Variants in DENND3 observed in about 807,000 individuals in gnomAD.
DENND3 encodes DENN domain containing 3.
DENND3 carries 88 observed loss-of-function variants against 135.1 expected under a neutral mutation model. The observed-to-expected ratio is 0.65, with a 90% CI of 0.55 to 0.78. The LOEUF is 0.78. DENND3 is among the 30% of genes least tolerant of loss of function. DENND3 has a pLI of 0.00. For synonymous variants in DENND3, 693 were observed against 712.3 expected (o/e 0.97, Z 0.43); for missense variants, 1,392 against 1,688.4 (o/e 0.82, Z 3.08).
chr8:141,188,144 T>C (rs1824169847), intron 18 of DENND3, among the ~76,000 whole-genome samples: 1 of 150,612 alleles, frequency 6.6e-6, no homozygotes, highest in Admixed American at 6.6e-5. Flanking sequence ...GAGAATCGCT[T>C]GAGCCGGGAG....
At chr8:141,162,422 C>G (rs1460932446) in intron 9 of DENND3, among the ~76,000 whole-genome samples, 1 of 151,816 alleles carries the variant, frequency 6.6e-6, no homozygotes, top group African/African-American at 2.4e-5. Context: ...TAGCAAGATC[C>G]CGGCTCTTTA....
At chr8:141,192,798 A>G in intron 22 of DENND3, 135 bp downstream of exon 22, 2 of 1,580,080 alleles carry the variant, frequency 1.3e-6, no homozygotes, top group Non-Finnish European at 1.7e-6. Context: ...CCCTCCTAAC[A>G]GGCACGTGCA....
intron 13 of DENND3, among the ~76,000 whole-genome samples, chr8:141,171,403 G>T (rs375139462): frequency 4.3e-4 from 65 of 152,320 alleles, no homozygotes; most frequent in African/African-American, 1.5e-3. Flanking sequence ...CCTTCCCCAG[G>T]GACGCTGACA....
In DENND3 at chr8:141,168,612, C is replaced by G; in HGVS notation, c.2275+87C>G. ...GCCCAGGCTGGAGTGGACTGGCAAT[C>G]ACAGCTCACTGCAACCTCCACCTCC... On this transcript the variant is annotated intron_variant, in intron 13 of 22. Transcript: ENST00000519811. This position sits in a 1 kb window ranked among gnomAD's most constrained non-coding sequence, Gnocchi z 6.2. The G allele has an allele frequency of 6.8e-7, 1 of 1,467,316 alleles. No homozygotes were observed. Among genetic ancestry groups the G allele is most frequent in the East Asian group, 2.4e-5 (1 of 41,356 alleles). The allele number at this position is 1,467,316 out of a possible 1,614,324, so 90.9% of individuals were successfully genotyped here.
Position 141,144,232 on chromosome 8 carries a change from C to T in DENND3, c.708C>T (p.Pro236=), listed in dbSNP as rs779591535. The T allele has an allele frequency of 1.9e-6, 3 of 1,613,750 alleles. No individual in the cohort carries two copies. Among genetic ancestry groups the T allele is most frequent in the Non-Finnish European group, 2.5e-6 (3 of 1,179,890 alleles). Residue 236 remains proline (P), a synonymous_variant, in exon 5 of 23, where the codon CCC becomes CCT. Transcript: ENST00000519811. This position sits in a 1 kb window ranked among gnomAD's most constrained non-coding sequence, Gnocchi z 4.4. The stretch of plus-strand genomic sequence containing the variant: ...TCGCTGCGAAGCTGTCTTTAATACC[C>T]AGCCCGCCACCTGGACCGCTCCATT... ...KDFAAKLSLI[P]SPPPGPLHLV...
intron 14 of DENND3, 71 bp from the exon 15 acceptor site, chr8:141,176,520 G>C: frequency 1.3e-6 from 2 of 1,580,942 alleles, no homozygotes; most frequent in South Asian, 2.2e-5. Flanking sequence ...AGCCCGCTCT[G>C]CCTCTGTCTC....
chr8:141,149,998 T>C (rs1267691054), intron 5 of DENND3, among the ~76,000 whole-genome samples: 4 of 152,234 alleles, frequency 2.6e-5, no homozygotes, highest in African/African-American at 9.6e-5. Context: ...CCTGCTTCGC[T>C]TGATTTCTTA....
rs997844988 is a variant in DENND3, at chr8:141,174,072, G to T, written c.2276-1128G>T. 1.3e-5 allele frequency among the ~76,000 whole-genome samples: 2 copies of T among 152,172 alleles called. No individual in the cohort carries two copies. Among genetic ancestry groups the T allele is most frequent in the African/African-American group, 4.8e-5 (2 of 41,422 alleles). On this transcript the variant is annotated intron_variant, in intron 13 of 22. Transcript: ENST00000519811. This position sits in a 1 kb window ranked among gnomAD's most constrained non-coding sequence, Gnocchi z 4.6. ...GGGCATGCCTACCTGGGTGTTGAGG[G>T]ATGGGTAGGAGTTTCCTGGTGTGAG...
intron 20 of DENND3, chr8:141,191,716 C>T (rs1026998976): frequency 1.3e-5 from 2 of 152,550 alleles, no homozygotes; most frequent in African/African-American, 4.8e-5. Flanking sequence ...TGTGCAGGCC[C>T]CTGCCCACTG....
At position 141,182,675 on chromosome 8, in the gene DENND3, C is replaced by T. The variant is rs115816657; in HGVS notation, c.2944+1821C>T. On this transcript the variant is annotated intron_variant, in intron 17 of 22. Transcript: ENST00000519811. This position sits in a 1 kb window ranked among gnomAD's most constrained non-coding sequence, Gnocchi z 5.9. ...GGCTGCCGATTCTGGAAGGGGTGGCCGAGAAGCTGGTAGCCGAGCAGGGCT... is the reference window on the plus strand; with the variant it reads ...GGCTGCCGATTCTGGAAGGGGTGGCTGAGAAGCTGGTAGCCGAGCAGGGCT... Among the ~76,000 whole-genome samples the T allele has an allele frequency of 0.011, 1,731 of 152,196 alleles. 32 individuals are homozygous for T. Among genetic ancestry groups the T allele is most frequent in the African/African-American group, 0.04 (1,652 of 41,512 alleles).
Position 141,128,885 on chromosome 8 carries a change from G to A in DENND3, c.102+76G>A. On this transcript the variant is annotated intron_variant, in intron 1 of 22. Transcript: ENST00000519811. The surrounding 1 kb of genome is among the most constrained non-coding windows in gnomAD (Gnocchi z 4.5). ...GACAGCAGTCGGAGAGCGGGCGCCC[G>A]GGTGCCCTGTGGGTTGGCGCGGACT... is the stretch of plus-strand genomic sequence containing the variant. 1.7e-6 allele frequency: 2 copies of A among 1,153,746 alleles called. No individual in the cohort carries two copies. Among genetic ancestry groups the A allele is most frequent in the East Asian group, 6.5e-5 (2 of 30,760 alleles). The allele number at this position is 1,153,746 out of a possible 1,614,324, so 71.5% of individuals were successfully genotyped here. A position where few individuals can be genotyped will look rare whatever the true frequency, so the allele number is the denominator to read the frequency against.
chr8:141,145,833 ATATATATATATATATATGTATTT>A (rs1386810119), intron 5 of DENND3, among the ~76,000 whole-genome samples: 24 of 32,076 alleles, frequency 7.5e-4, no homozygotes, highest in African/African-American at 5.8e-3. Context: ...ATATATATAT[ATATATATATATATATATGTATTT>A]TTTTTTTTTT....
rs1171021039 is a variant in DENND3 at position 141,146,348 on chromosome 8, A to T, written c.735+2089A>T. 1.3e-5 allele frequency among the ~76,000 whole-genome samples: 2 copies of T among 152,090 alleles called. No individual in the cohort carries two copies. Among genetic ancestry groups the T allele is most frequent in the Admixed American group, 6.5e-5 (1 of 15,268 alleles). Reference sequence around the variant, plus strand: ...GGTTTGGGGTTAAGTGAAGCTGGAGATGTGGCTGGCCACCTTCCCCTTTTG... The same window carrying T: ...GGTTTGGGGTTAAGTGAAGCTGGAGTTGTGGCTGGCCACCTTCCCCTTTTG... On this transcript the variant is annotated intron_variant, in intron 5 of 22. Transcript: ENST00000519811. The surrounding 1 kb of genome is among the most constrained non-coding windows in gnomAD (Gnocchi z 4.3).
chr8:141,167,905 T>G lies in DENND3; in HGVS notation c.1754-99T>G, dbSNP rs1046140068. 6.7e-7 allele frequency: 1 copy of G among 1,484,948 alleles called. No homozygotes were observed. The highest frequency in any genetic ancestry group is 9.1e-7 in the Non-Finnish European group (1 of 1,102,396). The allele number at this position is 1,484,948 out of a possible 1,614,324, so 92.0% of individuals were successfully genotyped here. ...ACACCCATTCTCATTTTATTTTGCA[T>G]CCAGAGAAACATTGTCCTTGACAAG... On this transcript the variant is annotated intron_variant, in intron 12 of 22. Coordinates refer to ENST00000519811, the MANE Select transcript of DENND3 (RefSeq NM_001352890.3). This position sits in a 1 kb window ranked among gnomAD's most constrained non-coding sequence, Gnocchi z 4.1.
rs1823261773 is a variant in DENND3, at chr8:141,182,392, A to G, written c.2944+1538A>G. The G allele has an allele frequency of 1.0e-6, 1 of 985,336 alleles. No individual in the cohort carries two copies. Among genetic ancestry groups the G allele is most frequent in the Non-Finnish European group, 1.2e-6 (1 of 829,940 alleles). 61.0% of individuals were successfully genotyped at this position (985,336 alleles called of 1,614,324 possible). On this transcript the variant is annotated intron_variant, in intron 17 of 22. Transcript: ENST00000519811. The surrounding 1 kb of genome is among the most constrained non-coding windows in gnomAD (Gnocchi z 5.9). The stretch of plus-strand genomic sequence containing the variant: ...AGCGTCATCAGGGCCGCCCCGCGTG[A>G]GCCCTACCTGATGTGTCTAAGCCAG...
At position 141,141,518 on chromosome 8, in the gene DENND3, G is replaced by A; in HGVS notation, c.623+194G>A. On this transcript the variant is annotated intron_variant, in intron 4 of 22. Transcript: ENST00000519811. This position sits in a 1 kb window ranked among gnomAD's most constrained non-coding sequence, Gnocchi z 5.3. ...GCCTCTTAGGCTGTTGCTTAAGGCT[G>A]GGGGCAGTGGGCAGGGGGTGTGGCA... The A allele has an allele frequency of 3.2e-6, 2 of 623,156 alleles. No homozygotes were observed. The highest frequency in any genetic ancestry group is 5.5e-6 in the Non-Finnish European group (2 of 364,656). 38.6% of individuals were successfully genotyped at this position (623,156 alleles called of 1,614,324 possible).
intron 5 of DENND3, among the ~76,000 whole-genome samples, chr8:141,149,152 C>T (rs1032534476): frequency 2.6e-5 from 4 of 152,254 alleles, no homozygotes; most frequent in East Asian, 1.9e-4. Context: ...TCAGGTGATC[C>T]GCCCGCCTCA....
chr8:141,153,092 C>CTTTTTTT (rs35650187), intron 7 of DENND3, among the ~76,000 whole-genome samples: 2 of 119,374 alleles, frequency 1.7e-5, no homozygotes, highest in African/African-American at 6.7e-5. Context: ...CAATATCTTT[C>CTTTTTTT]TTTTTTTTTT....
Position 141,128,611 on chromosome 8 carries a change from C to A in DENND3, c.-97C>A. 1.4e-6 allele frequency: 1 copy of A among 706,138 alleles called. No individual in the cohort carries two copies. Among genetic ancestry groups the A allele is most frequent in the Non-Finnish European group, 1.9e-6 (1 of 536,530 alleles). 43.7% of individuals were successfully genotyped at this position (706,138 alleles called of 1,614,324 possible). ...CCCGCAGACGGCGCTCGCAGCGCCCCCGGCCCCCAGGCGGCGCGGCTGGTC... is the reference window on the plus strand; with the variant it reads ...CCCGCAGACGGCGCTCGCAGCGCCCACGGCCCCCAGGCGGCGCGGCTGGTC... On this transcript the variant is annotated 5_prime_UTR_variant, in exon 1 of 23. Transcript: ENST00000519811. This position sits in a 1 kb window ranked among gnomAD's most constrained non-coding sequence, Gnocchi z 4.5.
Sources: gnomAD v4.1 joint callset for allele counts (sites outside exome capture counted in the v4.1 genomes callset) on GRCh38, gnomAD v4.1.1 for gene constraint, Gnocchi (gnomAD v3.1) non-coding constraint, MANE v1.5 for transcripts, NCBI Gene and HGNC (gene_info 2026-07-23, HGNC 2026-07-21) for gene names.